The following ASXL3 variants were observed in gnomAD, a reference collection of about 807,000 sequenced individuals.
ASXL3 encodes putative Polycomb group protein ASXL3.
In ASXL3, 34 loss-of-function variants were observed where a neutral mutation model predicts 170.6. The ratio of observed to expected loss-of-function variants is 0.20; its 90% CI spans 0.15 to 0.27. The LOEUF is 0.27. Among genes scored for constraint, ASXL3 ranks in the 10% least tolerant of loss-of-function variants. The pLI is 1.00. For synonymous variants in ASXL3, 1,002 were observed against 989.1 expected (o/e 1.01, Z -0.24); for missense variants, 2,592 against 2,695.3 (o/e 0.96, Z 0.85).
At chr18:33,593,396 C>T (rs923661810) in intron 1 of ASXL3, among the ~76,000 whole-genome samples, 3 of 151,536 alleles carry the variant, frequency 2.0e-5, no homozygotes, top group South Asian at 2.1e-4. Flanking sequence ...CAGTTACCCT[C>T]GGGCTGTTTC....
At chr18:33,652,560 C>G (rs945144122) in intron 4 of ASXL3, among the ~76,000 whole-genome samples, 3 of 128,586 alleles carry the variant, frequency 2.3e-5, no homozygotes, top group African/African-American at 9.0e-5. Context: ...GAGGAAGCAG[C>G]ACTCTAGCAA....
chr18:33,737,717 T>G (rs2067571896), intron 10 of ASXL3, among the ~76,000 whole-genome samples: 1 of 152,174 alleles, frequency 6.6e-6, no homozygotes, highest in African/African-American at 2.4e-5. Flanking sequence ...TTAATGAAAT[T>G]TGCATGTTGT....
At chr18:33,599,160 C>T (rs576349977) in intron 1 of ASXL3, among the ~76,000 whole-genome samples, 2 of 152,158 alleles carry the variant, frequency 1.3e-5, no homozygotes, top group South Asian at 4.1e-4. Context: ...AGCGGAAGAT[C>T]ATATCCCTGG....
At chr18:33,629,562 A>AT (rs1568289439) in intron 2 of ASXL3, among the ~76,000 whole-genome samples, 1 of 151,896 alleles carries the variant, frequency 6.6e-6, no homozygotes, top group African/African-American at 2.4e-5. Flanking sequence ...GTTTAAGATA[A>AT]TTTTTTTCTT....
chr18:33,677,430 T>C, intron 7 of ASXL3, among the ~76,000 whole-genome samples: 1 of 152,024 alleles, frequency 6.6e-6, no homozygotes, highest in African/African-American at 2.4e-5. Flanking sequence ...TTAGATTAAA[T>C]AAAAAAGTAA....
At chr18:33,588,305 T>C (rs528920058) in intron 1 of ASXL3, among the ~76,000 whole-genome samples, 3 of 151,778 alleles carry the variant, frequency 2.0e-5, no homozygotes, top group South Asian at 2.1e-4. Flanking sequence ...TTCAGAATTA[T>C]GGACTGCAAG....
intron 4 of ASXL3, among the ~76,000 whole-genome samples, chr18:33,657,597 A>G (rs2066103763): frequency 6.6e-6 from 1 of 152,102 alleles, no homozygotes; most frequent in Non-Finnish European, 1.5e-5. Context: ...GTAAATTAAA[A>G]GGAGAGACAG....
chr18:33,654,185 A>G (rs1362478716), intron 4 of ASXL3, among the ~76,000 whole-genome samples: 1 of 152,058 alleles, frequency 6.6e-6, no homozygotes, highest in East Asian at 1.9e-4. Flanking sequence ...ATACAGATCA[A>G]GAACAGAATA....
At chr18:33,726,872 T>C (rs937046735) in intron 8 of ASXL3, among the ~76,000 whole-genome samples, 5 of 152,258 alleles carry the variant, frequency 3.3e-5, no homozygotes, top group African/African-American at 1.2e-4. Context: ...TCCCCTCCGC[T>C]CCTCTTCCTT....
chr18:33,721,538 A>G (rs961068280), intron 8 of ASXL3, among the ~76,000 whole-genome samples: 2 of 152,106 alleles, frequency 1.3e-5, no homozygotes, highest in Non-Finnish European at 2.9e-5. Context: ...TAAGTAGTAG[A>G]AAAAGACAGC....
rs1001563296 is a variant in ASXL3 at position 33,646,336 on chromosome 18, A to C, written c.338A>C (p.His113Pro). 1 of 1,609,690 alleles carries C rather than the reference A, an allele frequency of 6.2e-7. No homozygotes were observed. Among genetic ancestry groups the C allele is most frequent in the Non-Finnish European group, 8.5e-7 (1 of 1,177,160 alleles). Residue 113 changes from histidine (H) to proline (P), a missense_variant, in exon 4 of 12, where the codon CAT becomes CCT. By Grantham distance (77) the His-to-Pro change is moderately conservative (BLOSUM62 -2). This residue lies in a region of ASXL3 where 251 missense variants were observed against 281.9 expected (regional missense o/e 0.89). Transcript: ENST00000269197. Reference protein sequence around the residue: ...DGTDMAEANAHGEENGVCSKQ... With the variant: ...DGTDMAEANAPGEENGVCSKQ... ...ACAGATATGGCCGAGGCAAATGCCC[A>C]TGGAGAAGAAAATGGAGGTAAGTGT...
intron 8 of ASXL3, among the ~76,000 whole-genome samples, chr18:33,695,578 T>C (rs188646178): frequency 1.9e-4 from 29 of 152,310 alleles, no homozygotes; most frequent in East Asian, 9.7e-4. Context: ...TCTGCTTCAG[T>C]GTATGTAAAA....
chr18:33,723,392 G>C (rs988182408), intron 8 of ASXL3, among the ~76,000 whole-genome samples: 2 of 152,134 alleles, frequency 1.3e-5, no homozygotes, highest in African/African-American at 4.8e-5. Flanking sequence ...AGTTGATTCT[G>C]ATACTTATAG....
chr18:33,601,785 G>GTTTATATATATATATATATATATATATA lies in ASXL3; in HGVS notation c.55-5808_55-5807insTTATATATATATATATATATATATATAT, dbSNP rs376654969. ...TGAGAATTTAAGTAAATATCTGATT[G>GTTTATATATATATATATATATATATATA]TATATATATAGTTTGTTTGTTTTGA... is the stretch of plus-strand genomic sequence containing the variant. On this transcript the variant is annotated intron_variant, in intron 1 of 11. Coordinates refer to ENST00000269197, the MANE Select transcript of ASXL3 (RefSeq NM_030632.3). 7.9e-4 allele frequency among the ~76,000 whole-genome samples: 82 copies of GTTTATATATATATATATATATATATATA among 103,930 alleles called. 3 individuals are homozygous for GTTTATATATATATATATATATATATATA. Among genetic ancestry groups the GTTTATATATATATATATATATATATATA allele is most frequent in the East Asian group, 4.1e-3 (19 of 4,612 alleles). 68.2% of individuals were successfully genotyped at this position (103,930 alleles called of 152,430 possible). A position where few individuals can be genotyped will look rare whatever the true frequency, so the allele number is the denominator to read the frequency against.
At chr18:33,693,006 A>C (rs1391074887) in intron 8 of ASXL3, among the ~76,000 whole-genome samples, 2 of 152,126 alleles carry the variant, frequency 1.3e-5, no homozygotes, top group Non-Finnish European at 2.9e-5. Context: ...CTGATGGTCT[A>C]GGGCCTTGCT....
At position 33,671,861 on chromosome 18, in the gene ASXL3, G is replaced by A. The variant is rs1487906802; in HGVS notation, c.710G>A (p.Gly237Asp). 6.2e-7 allele frequency: 1 copy of A among 1,602,048 alleles called. No homozygotes were observed. The highest frequency in any genetic ancestry group is 1.1e-5 in the South Asian group (1 of 87,784). ...CACTTAAAACGATTAAAAAAGTCTG[G>A]TTTAGGTGAGTGTTTAATAGACTAT... ...SQHLKRLKKS[G>D]LGHLKWTKAE... The change falls in exon 7 of 12, where the codon GGT becomes GAT. Residue 237 changes from glycine (G) to aspartate (D), a missense_variant. Gly to Asp is a moderately conservative substitution (Grantham distance 94). Transcript: ENST00000269197.
rs1189753117 is a variant in ASXL3 at position 33,743,165 on chromosome 18, C to T, written c.3317C>T (p.Thr1106Ile). The T allele has an allele frequency of 6.2e-7, 1 of 1,613,942 alleles. No homozygotes were observed. The highest frequency in any genetic ancestry group is 2.2e-5 in the East Asian group (1 of 44,878). The part of the protein sequence containing the change: ...TRTLAHIKEQ[T>I]KAKLFAKHQA... ...ACTCTGGCACACATCAAAGAGCAGA[C>T]AAAGGCTAAGCTCTTTGCAAAGCAT... Residue 1106 changes from threonine (T) to isoleucine (I), a missense_variant, in exon 12 of 12, where the codon ACA (threonine) becomes ATA (isoleucine). This residue lies in a region of ASXL3 where 2,246 missense variants were observed against 2,219.6 expected (regional missense o/e 1.01). Transcript: ENST00000269197.
intron 11 of ASXL3, among the ~76,000 whole-genome samples, chr18:33,741,575 C>T (rs1168211054): frequency 6.6e-6 from 1 of 152,124 alleles, no homozygotes. Context: ...ATCTTCTCCT[C>T]AAAACTATCT....
chr18:33,719,941 C>A (rs908051797), intron 8 of ASXL3, among the ~76,000 whole-genome samples: 10 of 151,962 alleles, frequency 6.6e-5, no homozygotes, highest in Non-Finnish European at 1.5e-5. Flanking sequence ...ACTAAGGCAC[C>A]CATCTTCAGG....
Sources: gnomAD v4.1 joint callset for allele counts (sites outside exome capture counted in the v4.1 genomes callset) on GRCh38, gnomAD v4.1.1 for gene constraint, gnomAD v4.1.1 regional missense constraint, MANE v1.5 for transcripts, NCBI Gene and HGNC (gene_info 2026-07-23, HGNC 2026-07-21) for gene names.